SRFBP1: variants seen among roughly 807,000 people sequenced by gnomAD.
SRFBP1 encodes the protein serum response factor binding protein 1, also known as serum response factor-binding protein 1.
A neutral mutation model predicts 45.5 loss-of-function variants in SRFBP1; 47 were observed. That is an observed-to-expected ratio of 1.03 (90% CI 0.82 to 1.32). The LOEUF (loss-of-function observed/expected upper bound fraction) is 1.32, where lower values mean the gene tolerates loss of function less well. Ranked by LOEUF, SRFBP1 falls within the 40% of genes most tolerant of loss-of-function variation. The probability of loss-of-function intolerance (pLI) is 0.00; values close to 1 mark genes in which losing one functional copy is unlikely to be tolerated. For missense variants in SRFBP1, 621 were observed against 484.6 expected, an observed-to-expected ratio of 1.28 and a Z score of -2.64; for synonymous variants, 203 against 166.3, an observed-to-expected ratio of 1.22 and a Z score of -1.70.
intron 4 of SRFBP1, among the ~76,000 whole-genome samples, chr5:122,007,210 T>C (rs1345502912): frequency 6.6e-6 from 1 of 151,976 alleles, no homozygotes; most frequent in Non-Finnish European, 1.5e-5. Context: ...TGATAGGGCC[T>C]GAAGACTGGA....
rs1239143095 is a variant in SRFBP1, at chr5:121,973,882, G to A, written c.37-314G>A. Among the ~76,000 whole-genome samples, 3 of 151,774 alleles carry A rather than the reference G, an allele frequency of 2.0e-5. No individual in the cohort carries two copies. In the East Asian group the frequency reaches 5.8e-4, roughly 29 times the overall value. On this transcript the variant is annotated intron_variant, in intron 1 of 7. Coordinates refer to ENST00000339397, the MANE Select transcript of SRFBP1 (RefSeq NM_152546.3). ...ATGAATATGACAGGCTGTGATTTCA[G>A]GGAACTCACTGTTTATTATATTCCA...
At chr5:122,003,427 G>A (rs768476863) in intron 4 of SRFBP1, among the ~76,000 whole-genome samples, 9 of 151,808 alleles carry the variant, frequency 5.9e-5, no homozygotes, top group Middle Eastern at 3.5e-3. Flanking sequence ...ATAATGACAC[G>A]TTGAACAGAA....
downstream of SRFBP1, chr5:122,076,763 GT>G: frequency 1.4e-6 from 1 of 712,578 alleles, no homozygotes; most frequent in South Asian, 1.8e-5. Flanking sequence ...AGGAGGTCAC[GT>G]CCCACTTCCC....
At chr5:122,044,799 T>C (rs1753829678) in intron 2 of SRFBP1, among the ~76,000 whole-genome samples, 2 of 152,236 alleles carry the variant, frequency 1.3e-5, no homozygotes, top group Middle Eastern at 3.4e-3. Flanking sequence ...TTTCTCCCAT[T>C]CCATAGGTTT....
chr5:122,006,936 A>G (rs369344403), intron 4 of SRFBP1, among the ~76,000 whole-genome samples: 1 of 152,020 alleles, frequency 6.6e-6, no homozygotes, highest in African/African-American at 2.4e-5. Flanking sequence ...ATATTATCCC[A>G]TTATTTTTGT....
At chr5:122,070,726 T>A in intron 2 of SRFBP1, 1 of 537,774 alleles carries the variant, frequency 1.9e-6, no homozygotes. Context: ...ATATTTCATC[T>A]CCCTTGAGAA....
intron 2 of SRFBP1, among the ~76,000 whole-genome samples, chr5:122,033,761 T>C (rs1264282873): frequency 6.6e-6 from 1 of 151,598 alleles, no homozygotes; most frequent in Non-Finnish European, 1.5e-5. Flanking sequence ...GCCCAGCCGG[T>C]GCTTCTGCTT....
downstream of SRFBP1, chr5:122,077,067 C>A: frequency 6.3e-7 from 1 of 1,592,150 alleles, no homozygotes; most frequent in East Asian, 2.2e-5. This position sits in a 1 kb window ranked among gnomAD's most constrained non-coding sequence, Gnocchi z 4.9. Flanking sequence ...CAACTCCCTA[C>A]CCCTCTAGGT....
intron 2 of SRFBP1, chr5:122,063,964 T>C (rs1326985071): frequency 6.6e-6 from 1 of 151,934 alleles, no homozygotes; most frequent in African/African-American, 2.4e-5. Context: ...TTTCTGGAAA[T>C]AGGCAAGTTG....
At chr5:122,039,025 G>C (rs561365625) in intron 2 of SRFBP1, among the ~76,000 whole-genome samples, 6 of 152,154 alleles carry the variant, frequency 3.9e-5, no homozygotes, top group African/African-American at 1.4e-4. Context: ...CAATGAACAA[G>C]TACTTCCTTC....
chr5:122,063,355 A>T (rs1031965672), intron 2 of SRFBP1: 1 of 151,964 alleles, frequency 6.6e-6, no homozygotes, highest in Non-Finnish European at 1.5e-5. Flanking sequence ...TACAAATAAC[A>T]TTCCTGAAAA....
chr5:121,964,916 T>C (rs1752031410), intron 1 of SRFBP1, among the ~76,000 whole-genome samples: 1 of 152,212 alleles, frequency 6.6e-6, no homozygotes, highest in African/African-American at 2.4e-5. Flanking sequence ...CTCATTGTGG[T>C]TTGGATTTGC....
chr5:121,982,576 A>T (rs1197926844), intron 3 of SRFBP1, among the ~76,000 whole-genome samples: 2 of 151,906 alleles, frequency 1.3e-5, no homozygotes, highest in Non-Finnish European at 2.9e-5. Flanking sequence ...GATAGTATGT[A>T]TTGTCTGTTT....
At chr5:122,075,589 TA>T (rs1471317307), downstream of SRFBP1, 1 of 1,288,888 alleles carries the variant, frequency 7.8e-7, no homozygotes, top group Admixed American at 2.3e-5. Context: ...GAATATTAAC[TA>T]AAGACAAAAC....
chr5:122,030,450 A>G (rs946191755), downstream of SRFBP1, among the ~76,000 whole-genome samples: 5 of 152,218 alleles, frequency 3.3e-5, no homozygotes, highest in Admixed American at 2.6e-4. Context: ...TTCTTCAGAC[A>G]CATTCCCTGA....
At chr5:121,986,138 G>A (rs1752512919) in intron 3 of SRFBP1, among the ~76,000 whole-genome samples, 1 of 151,848 alleles carries the variant, frequency 6.6e-6, no homozygotes, top group African/African-American at 2.4e-5. Context: ...ACTAGCAAAG[G>A]AGACAAAGAA....
At chr5:121,992,893 A>G (rs756875273) in intron 3 of SRFBP1, among the ~76,000 whole-genome samples, 2 of 152,062 alleles carry the variant, frequency 1.3e-5, no homozygotes, top group African/African-American at 2.4e-5. Flanking sequence ...ACAGTGAATG[A>G]GCTTTTTAAA....
intron 2 of SRFBP1, among the ~76,000 whole-genome samples, chr5:122,037,677 CT>C (rs369460259): frequency 0.035 from 5,086 of 145,454 alleles, 252 homozygotes; most frequent in African/African-American, 0.11. Flanking sequence ...ATTTTGTATT[CT>C]TTTTTTTTTT....
Position 122,072,655 on chromosome 5 carries a change from G to A in SRFBP1, n.312-2660G>A, listed in dbSNP as rs147236784. ...CTTTAAATGAAGTCCATGTGAAAGA[G>A]ACATTGATCTAATGAAAAAAACAAA... is the stretch of plus-strand genomic sequence containing the variant. On this transcript the variant is annotated intron_variant and non_coding_transcript_variant, in intron 2 of 2. Coordinates refer to the SRFBP1 transcript ENST00000504881. Among the ~76,000 whole-genome samples, 41 of 152,270 alleles carry A rather than the reference G, an allele frequency of 2.7e-4. No homozygotes were observed. The East Asian group carries it at 7.3e-3, about 27-fold the overall frequency.
Sources: gnomAD v4.1 joint callset for allele counts (sites outside exome capture counted in the v4.1 genomes callset) on GRCh38, gnomAD v4.1.1 for gene constraint, Gnocchi (gnomAD v3.1) non-coding constraint, MANE v1.5 for transcripts, NCBI Gene and HGNC (gene_info 2026-07-23, HGNC 2026-07-21) for gene names.